Variants in EPS8L2 observed in about 807,000 individuals in gnomAD.
EPS8L2 encodes the protein EPS8 signaling adaptor L2, also known as epidermal growth factor receptor kinase substrate 8-like protein 2.
Under a neutral mutation model 99.4 loss-of-function variants are expected in EPS8L2, and 81 were observed. That is an observed-to-expected ratio of 0.82 (90% confidence interval 0.68 to 0.98). EPS8L2 has a LOEUF of 0.98. EPS8L2 is among the 50% of genes least tolerant of loss of function. EPS8L2 has a pLI of 0.00. For synonymous variants in EPS8L2, 509 were observed against 407.3 expected (o/e 1.25, Z -3.01); for missense variants, 1,155 against 968.8 (o/e 1.19, Z -2.55).
Position 727,725 on chromosome 11 carries a change from G to T in EPS8L2, c.*744G>T, listed in dbSNP as rs1862371657. On this transcript the variant is annotated 3_prime_UTR_variant, in exon 21 of 21. Transcript: ENST00000318562. ...GCAATTAAACCAGTTAAGTCTCCCA[G>T]GAGCCGTGTGTCTCAGTTCTCTGGG... is the stretch of plus-strand genomic sequence containing the variant. The T allele has an allele frequency of 6.5e-6, 1 of 152,684 alleles. No homozygotes were observed. The highest frequency in any genetic ancestry group is 1.5e-5 in the Non-Finnish European group (1 of 68,104). 9.5% of individuals were successfully genotyped at this position (152,684 alleles called of 1,614,324 possible).
chr11:726,733 G>C lies in EPS8L2; in HGVS notation c.2049G>C (p.Met683Ile). The change falls in exon 20 of 21, where the codon ATG becomes ATC. Residue 683 changes from methionine to isoleucine, a missense_variant. Met to Ile is a conservative substitution (Grantham distance 10). Transcript: ENST00000318562. Reference protein sequence around the residue: ...EGVRVYSQLTMQKAFLEKQQS... With the variant: ...EGVRVYSQLTIQKAFLEKQQS... ...TCCGCGTGTACAGCCAGCTCACCATGCAGAAGGCCTTCCTGGAGGTGAGCC... is the reference window on the plus strand; with the variant it reads ...TCCGCGTGTACAGCCAGCTCACCATCCAGAAGGCCTTCCTGGAGGTGAGCC... 2 of 1,595,050 alleles carry C rather than the reference G, an allele frequency of 1.3e-6. No individual in the cohort carries two copies. The highest frequency in any genetic ancestry group is 1.7e-6 in the Non-Finnish European group (2 of 1,172,612).
chr11:722,524 CTG>C lies in EPS8L2; in HGVS notation c.1184_1185del (p.Leu395ArgfsTer107), dbSNP rs765217686. ...TAAGGAGATGTCGCTGTGGGAGTCACTGGGAGAGAGCTGGATGCGGCCCCGGT... is the reference window on the plus strand; with the variant it reads ...TAAGGAGATGTCGCTGTGGGAGTCACGGAGAGAGCTGGATGCGGCCCCGGT... ...VPKEMSLWES[L>X]GESWMRPRSE... is the part of the protein sequence containing the mutation. On this transcript the variant is annotated frameshift_variant, in exon 13 of 21. Coordinates refer to ENST00000318562, the MANE Select transcript of EPS8L2 (RefSeq NM_022772.4). LOFTEE classifies it high-confidence loss of function. 6.2e-7 allele frequency: 1 copy of C among 1,613,270 alleles called. No individual in the cohort carries two copies. Among genetic ancestry groups the C allele is most frequent in the Admixed American group, 1.7e-5 (1 of 60,008 alleles).
At chr11:716,414 C>T (rs1316735019) in intron 4 of EPS8L2, among the ~76,000 whole-genome samples, 1 of 152,150 alleles carries the variant, frequency 6.6e-6, no homozygotes, top group Non-Finnish European at 1.5e-5. Flanking sequence ...TCCCAAAGTG[C>T]TGGGATAATT....
In EPS8L2 at chr11:720,746, G is replaced by A. The variant is rs1235990472; in HGVS notation, c.477G>A (p.Glu159=). Residue 159 remains glutamate (E), a splice_region_variant and synonymous_variant, in exon 6 of 21, where the codon GAG becomes GAA. Coordinates refer to ENST00000318562, the MANE Select transcript of EPS8L2 (RefSeq NM_022772.4). Reference sequence around the variant, plus strand: ...ACTTCTTCCACTGCGATGAGGTGGAGGTGAGGCGGTGCCGGGCGGGGCAGG... The same window carrying A: ...ACTTCTTCCACTGCGATGAGGTGGAAGTGAGGCGGTGCCGGGCGGGGCAGG... ...DVHFFHCDEV[E]AELVHEDIES... The A allele has an allele frequency of 1.9e-6, 3 of 1,559,308 alleles. No individual in the cohort carries two copies. The highest frequency in any genetic ancestry group is 2.6e-6 in the Non-Finnish European group (3 of 1,153,086).
intron 4 of EPS8L2, among the ~76,000 whole-genome samples, chr11:711,915 G>A (rs1354957585): frequency 7.3e-5 from 11 of 151,708 alleles, no homozygotes; most frequent in South Asian, 4.2e-4. Flanking sequence ...CCCAGGAGGC[G>A]GAGGTTGCAG....
chr11:726,736 G>T lies in EPS8L2; in HGVS notation c.2052G>T (p.Gln684His). Residue 684 changes from glutamine (Q) to histidine (H), a missense_variant, in exon 20 of 21, where the codon CAG (glutamine) becomes CAT (histidine). Gln to His is a conservative substitution (Grantham distance 24). Transcript: ENST00000318562. ...GCGTGTACAGCCAGCTCACCATGCA[G>T]AAGGCCTTCCTGGAGGTGAGCCCGC... The part of the protein sequence containing the change: ...GVRVYSQLTM[Q>H]KAFLEKQQSG... 2 of 1,594,674 alleles carry T rather than the reference G, an allele frequency of 1.3e-6. No homozygotes were observed. The highest frequency in any genetic ancestry group is 1.3e-5 in the African/African-American group (1 of 74,912).
rs1169699412 is a variant in EPS8L2, at chr11:724,889, G to T, written c.1560+60G>T. 1.5e-5 allele frequency: 20 copies of T among 1,314,390 alleles called. No individual in the cohort carries two copies. Among genetic ancestry groups the T allele is most frequent in the African/African-American group, 2.9e-5 (2 of 69,036 alleles). The allele number at this position is 1,314,390 out of a possible 1,614,324, so 81.4% of individuals were successfully genotyped here. ...AACAGGGCAGGGCTTCAAGGGAGGG[G>T]CTACCAGGGGAGGTGGGGAGCGGTC... On this transcript the variant is annotated intron_variant, in intron 16 of 20. Transcript: ENST00000318562. This position sits in a 1 kb window ranked among gnomAD's most constrained non-coding sequence, Gnocchi z 5.5.
chr11:722,469 C>T lies in EPS8L2; in HGVS notation c.1128C>T (p.Ala376=), dbSNP rs770873508. ...CCTGCCCACTGCTCTCCCGAGATGC[C>T]GTGGACTTCCTGCGCGGCCACCTGG... ...SVSCPLLSRD[A]VDFLRGHLVP... is the part of the protein sequence containing the mutation. Residue 376 remains alanine (A), a synonymous_variant, in exon 13 of 21, where the codon GCC becomes GCT. Coordinates refer to ENST00000318562, the MANE Select transcript of EPS8L2 (RefSeq NM_022772.4). 42 of 1,613,396 alleles carry T rather than the reference C, an allele frequency of 2.6e-5. No homozygotes were observed. The highest frequency in any genetic ancestry group is 8.9e-5 in the East Asian group (4 of 44,890).
intron 20 of EPS8L2, 68 bp downstream of exon 20, chr11:726,819 C>T: frequency 6.3e-7 from 1 of 1,583,244 alleles, no homozygotes; most frequent in Non-Finnish European, 8.6e-7. Context: ...CCGCCCGTTC[C>T]TGGGGTCGCA....
At position 723,273 on chromosome 11, in the gene EPS8L2, C is replaced by T; in HGVS notation, c.1374C>T (p.Asn458=). The change falls in exon 15 of 21, where the codon AAC becomes AAT. Residue 458 remains asparagine (N), a synonymous_variant. Coordinates refer to ENST00000318562, the MANE Select transcript of EPS8L2 (RefSeq NM_022772.4). The stretch of plus-strand genomic sequence containing the variant: ...CAGTGAGCCGACAGTCCATAAGAAA[C>T]TCCCAGAAGCACAGCCCCACTTCAG... ...VSPVSRQSIR[N]SQKHSPTSEP... is the part of the protein sequence containing the mutation. The T allele has an allele frequency of 6.2e-7, 1 of 1,607,062 alleles. No homozygotes were observed. Among genetic ancestry groups the T allele is most frequent in the Non-Finnish European group, 8.5e-7 (1 of 1,177,886 alleles).
intron 4 of EPS8L2, among the ~76,000 whole-genome samples, chr11:716,175 GT>G (rs1370026049): frequency 6.7e-6 from 1 of 148,998 alleles, no homozygotes; most frequent in East Asian, 2.0e-4. Flanking sequence ...TTGAGACAGA[GT>G]CTCGCTCTGT....
intron 4 of EPS8L2, among the ~76,000 whole-genome samples, chr11:710,839 CGG>C (rs1024776749): frequency 6.6e-6 from 1 of 152,150 alleles, no homozygotes; most frequent in Non-Finnish European, 1.5e-5. Context: ...CCCACGGGGC[CGG>C]GGGAGGCCAG....
intron 16 of EPS8L2, among the ~76,000 whole-genome samples, chr11:725,375 G>GT (rs1248414952): frequency 6.6e-6 from 1 of 152,222 alleles, no homozygotes. Context: ...TCTGGATGTG[G>GT]TGGTGTGTGC....
At position 709,456 on chromosome 11, in the gene EPS8L2, G is replaced by C; in HGVS notation, c.44+5G>C. ...CTGCTGCCCGGGTGCCACCAAGTGA[G>C]CCCTCCCACCCATCCCGAATACCCC... On this transcript the variant is annotated splice_donor_5th_base_variant and intron_variant, in intron 2 of 20. Coordinates refer to ENST00000318562, the MANE Select transcript of EPS8L2 (RefSeq NM_022772.4). The C allele has an allele frequency of 6.3e-7, 1 of 1,588,564 alleles. No homozygotes were observed. Among genetic ancestry groups the C allele is most frequent in the South Asian group, 1.1e-5 (1 of 88,266 alleles).
At chr11:714,990 C>T (rs866699640) in intron 4 of EPS8L2, among the ~76,000 whole-genome samples, 7 of 152,086 alleles carry the variant, frequency 4.6e-5, no homozygotes, top group East Asian at 1.9e-4. Context: ...TGCCTGTAAT[C>T]CCAGCACTTT....
intron 4 of EPS8L2, among the ~76,000 whole-genome samples, chr11:716,211 C>G (rs1051977296): frequency 1.3e-5 from 2 of 151,026 alleles, no homozygotes; most frequent in Non-Finnish European, 3.0e-5. Flanking sequence ...TGCAGTGGCA[C>G]CATCTCAGCT....
intron 14 of EPS8L2, 122 bp downstream of exon 14, chr11:722,927 C>A: frequency 1.7e-6 from 1 of 586,990 alleles, no homozygotes; most frequent in East Asian, 2.9e-5. Context: ...GACACCCACC[C>A]CTCCCCAGTG....
At chr11:707,101 G>T (rs1429737385) in intron 1 of EPS8L2, among the ~76,000 whole-genome samples, 1 of 151,532 alleles carries the variant, frequency 6.6e-6, no homozygotes, top group East Asian at 1.9e-4. Context: ...AGGCCCAGCT[G>T]GCGGCGGCCC....
chr11:727,556 C>G lies in EPS8L2; in HGVS notation c.*575C>G, dbSNP rs1411468682. 1 of 153,244 alleles carries G rather than the reference C, an allele frequency of 6.5e-6. No individual in the cohort carries two copies. The highest frequency in any genetic ancestry group is 1.5e-5 in the Non-Finnish European group (1 of 68,532). The allele number at this position is 153,244 out of a possible 1,614,324, so 9.5% of individuals were successfully genotyped here. On this transcript the variant is annotated 3_prime_UTR_variant, in exon 21 of 21. Coordinates refer to ENST00000318562, the MANE Select transcript of EPS8L2 (RefSeq NM_022772.4). ...CGGCTTCAGACACTCCCAGCGCCCACTCTTACAGGCCCAGGACTGGAGCTT... is the reference window on the plus strand; with the variant it reads ...CGGCTTCAGACACTCCCAGCGCCCAGTCTTACAGGCCCAGGACTGGAGCTT...
Sources: allele counts gnomAD v4.1 joint callset (sites outside exome capture counted in the v4.1 genomes callset), GRCh38; gene constraint gnomAD v4.1.1; non-coding constraint Gnocchi (gnomAD v3.1); transcripts MANE v1.5; gene names NCBI Gene and HGNC (gene_info 2026-07-23, HGNC 2026-07-21).